NOL4: variants seen among roughly 807,000 people sequenced by gnomAD.
The protein encoded by NOL4 is cancer/testis antigen 125.
Under a neutral mutation model 75.9 loss-of-function variants are expected in NOL4, and 17 were observed. That is an observed-to-expected ratio of 0.22 (90% confidence interval 0.15 to 0.34). The LOEUF (loss-of-function observed/expected upper bound fraction) is 0.34, where lower values mean the gene tolerates loss of function less well. NOL4 is among the 10% of genes least tolerant of loss of function. The pLI is 1.00. For missense variants in NOL4, 614 were observed against 793.5 expected (o/e 0.77, Z 2.72); for synonymous variants, 292 against 289.9 (o/e 1.01, Z -0.07).
At chr18:34,169,728 T>C (rs2032829731) in intron 1 of NOL4, among the ~76,000 whole-genome samples, 1 of 152,110 alleles carries the variant, frequency 6.6e-6, no homozygotes, top group African/African-American at 2.4e-5. Flanking sequence ...AAATCAATTG[T>C]CATCCATTGT....
intron 10 of NOL4, among the ~76,000 whole-genome samples, chr18:33,856,408 A>G (rs1039159070): frequency 6.6e-6 from 1 of 152,104 alleles, no homozygotes; most frequent in Non-Finnish European, 1.5e-5. Flanking sequence ...TTGCTTGAGT[A>G]CAGTGATTTC....
intron 6 of NOL4, among the ~76,000 whole-genome samples, chr18:33,968,591 G>A (rs905149319): frequency 1.5e-4 from 23 of 152,126 alleles, no homozygotes; most frequent in Non-Finnish European, 1.3e-4. Flanking sequence ...TGAATATAAA[G>A]ATTTGAACAA....
intron 1 of NOL4, chr18:34,221,103 T>C (rs1334028107): frequency 6.6e-6 from 1 of 152,180 alleles, no homozygotes; most frequent in East Asian, 1.9e-4. Context: ...ATAGTGGGTG[T>C]AGTCAAATCC....
At chr18:34,206,697 G>C (rs2036143786) in intron 1 of NOL4, among the ~76,000 whole-genome samples, 1 of 151,980 alleles carries the variant, frequency 6.6e-6, no homozygotes, top group Non-Finnish European at 1.5e-5. Flanking sequence ...ATGTGTTTGG[G>C]AATCATTTTT....
intron 5 of NOL4, among the ~76,000 whole-genome samples, chr18:34,039,773 C>T (rs1362422479): frequency 6.6e-6 from 1 of 151,996 alleles, no homozygotes; most frequent in Non-Finnish European, 1.5e-5. Flanking sequence ...CGGTTCCTGA[C>T]TTACAATGGT....
At chr18:34,061,433 GTTGAGACAGTTTCAGAGCCC>G (rs1374018248) in intron 5 of NOL4, among the ~76,000 whole-genome samples, 3 of 152,238 alleles carry the variant, frequency 2.0e-5, no homozygotes, top group African/African-American at 7.2e-5. Flanking sequence ...GTGATTATAA[GTTGAGACAGTTTCAGAGCCC>G]TTCAGAAAAA....
In NOL4 at chr18:34,073,163, C is replaced by T. The variant is rs548491606; in HGVS notation, c.772+20302G>A. ...GTGATAATATTAATAAAATTGATAA[C>T]CCCTTGAAATAACCAATCAGGAAAA... On this transcript the variant is annotated intron_variant, in intron 5 of 10. Transcript: ENST00000261592. 4.2e-4 allele frequency among the ~76,000 whole-genome samples: 64 copies of T among 151,990 alleles called. No individual in the cohort carries two copies. In the South Asian group the frequency reaches 0.013, roughly 31 times the overall value.
At chr18:34,034,945 A>G (rs1429881170) in intron 5 of NOL4, among the ~76,000 whole-genome samples, 2 of 152,214 alleles carry the variant, frequency 1.3e-5, no homozygotes, top group Non-Finnish European at 2.9e-5. Context: ...TGGAGCACCC[A>G]GATTCATAAA....
In NOL4 at chr18:34,153,136, C is replaced by T. The variant is rs561847784; in HGVS notation, c.265-23116G>A. The stretch of plus-strand genomic sequence containing the variant: ...AAGGTAATGCTGCTATAAATATTTT[C>T]GTTATATTTTTCATATACCCATGTA... On this transcript the variant is annotated intron_variant, in intron 1 of 10. Coordinates refer to ENST00000261592, the MANE Select transcript of NOL4 (RefSeq NM_003787.5). 1.1e-4 allele frequency among the ~76,000 whole-genome samples: 17 copies of T among 151,814 alleles called. No individual in the cohort carries two copies. The South Asian group carries it at 1.7e-3, about 15-fold the overall frequency.
At position 34,005,456 on chromosome 18, in the gene NOL4, C is replaced by G. The variant is rs552072578; in HGVS notation, c.1056+13862G>C. 2.0e-5 allele frequency among the ~76,000 whole-genome samples: 3 copies of G among 152,104 alleles called. No homozygotes were observed. The South Asian group carries it at 6.2e-4, about 32-fold the overall frequency. ...TCCCTTATGGCAACCTGGTGACACT[C>G]TTCAGGCCTCTATTTCTTTTCTTTC... On this transcript the variant is annotated intron_variant, in intron 6 of 10. Coordinates refer to ENST00000261592, the MANE Select transcript of NOL4 (RefSeq NM_003787.5).
chr18:34,045,478 T>C (rs1362334996), intron 5 of NOL4, among the ~76,000 whole-genome samples: 1 of 152,142 alleles, frequency 6.6e-6, no homozygotes, highest in Non-Finnish European at 1.5e-5. Context: ...TTGACCCCTA[T>C]CTGCCCTCAA....
chr18:34,139,768 G>A (rs989218912), intron 1 of NOL4, among the ~76,000 whole-genome samples: 2 of 152,130 alleles, frequency 1.3e-5, no homozygotes, highest in Non-Finnish European at 2.9e-5. Context: ...TAATTGTGAT[G>A]TTAGGGTGTC....
At chr18:34,185,974 A>C (rs970894695) in intron 1 of NOL4, among the ~76,000 whole-genome samples, 1 of 152,158 alleles carries the variant, frequency 6.6e-6, no homozygotes, top group Non-Finnish European at 1.5e-5. Context: ...TTCTTACTTC[A>C]TTTTAGTGAT....
chr18:34,050,602 TAAAC>T (rs907844750), intron 5 of NOL4, among the ~76,000 whole-genome samples: 1 of 152,120 alleles, frequency 6.6e-6, no homozygotes, highest in African/African-American at 2.4e-5. Context: ...AAGTGAGTTA[TAAAC>T]AACTAAGGTT....
chr18:34,206,980 G>T (rs1239383948), intron 1 of NOL4, among the ~76,000 whole-genome samples: 1 of 151,568 alleles, frequency 6.6e-6, no homozygotes, highest in East Asian at 1.9e-4. Flanking sequence ...TCTTTCATCT[G>T]CCATCTCCAT....
chr18:33,941,028 G>A (rs1250091500), intron 9 of NOL4, among the ~76,000 whole-genome samples: 2 of 152,010 alleles, frequency 1.3e-5, no homozygotes, highest in Non-Finnish European at 2.9e-5. Context: ...AGGAAAGTGT[G>A]TCAGTAAATA....
Position 34,105,059 on chromosome 18 carries a change from T to A in NOL4, c.516A>T (p.Thr172=), listed in dbSNP as rs1215486342. ...TGACACTGCAGCTACCTTTATGATC[T>A]GTTCCATCTGGGTTTAAATGCATTC... ...QKRMHLNPDG[T]DHKDNGKPPT... The change falls in exon 3 of 11, where the codon ACA becomes ACT. Residue 172 remains threonine (T), a synonymous_variant. Coordinates refer to ENST00000261592, the MANE Select transcript of NOL4 (RefSeq NM_003787.5). 6.2e-7 allele frequency: 1 copy of A among 1,601,404 alleles called. No homozygotes were observed. The highest frequency in any genetic ancestry group is 8.6e-7 in the Non-Finnish European group (1 of 1,169,038).
intron 1 of NOL4, among the ~76,000 whole-genome samples, chr18:34,205,889 A>C (rs2036087617): frequency 6.6e-6 from 1 of 152,162 alleles, no homozygotes; most frequent in Non-Finnish European, 1.5e-5. Flanking sequence ...TTCTGCTTTC[A>C]CTGAGTTCCA....
intron 9 of NOL4, among the ~76,000 whole-genome samples, chr18:33,900,449 T>G (rs1371856838): frequency 2.0e-5 from 3 of 152,154 alleles, no homozygotes; most frequent in Non-Finnish European, 4.4e-5. Context: ...TCTCTTTCCT[T>G]TCTGCCTGCT....
Sources: gnomAD v4.1 joint callset for allele counts (sites outside exome capture counted in the v4.1 genomes callset) on GRCh38, gnomAD v4.1.1 for gene constraint, MANE v1.5 for transcripts, NCBI Gene and HGNC (gene_info 2026-07-23, HGNC 2026-07-21) for gene names.